The following VPS53 variants were observed in gnomAD, a reference collection of about 807,000 sequenced individuals.
The protein encoded by VPS53 is VPS53 subunit of GARP complex.
In VPS53, 70 loss-of-function variants were observed where a neutral mutation model predicts 107.0. The observed-to-expected ratio is 0.65, with a 90% CI of 0.54 to 0.80. The LOEUF is 0.80. VPS53 is among the 30% of genes least tolerant of loss of function. VPS53 has a pLI of 0.00. For synonymous variants in VPS53, 409 were observed against 393.3 expected, an observed-to-expected ratio of 1.04 and a Z score of -0.47; for missense variants, 917 against 1,049.4, an observed-to-expected ratio of 0.87 and a Z score of 1.74.
intron 5 of VPS53, among the ~76,000 whole-genome samples, chr17:657,878 G>A (rs1021585538): frequency 5.9e-5 from 9 of 151,998 alleles, no homozygotes; most frequent in African/African-American, 1.7e-4. Flanking sequence ...CAGGGAGTTC[G>A]TGGATAGATA....
chr17:702,152 A>C (rs1973223612), intron 2 of VPS53, among the ~76,000 whole-genome samples: 1 of 152,196 alleles, frequency 6.6e-6, no homozygotes, highest in African/African-American at 2.4e-5. Flanking sequence ...CAAGAGTTAG[A>C]GACCAACCTG....
chr17:622,967 G>C (rs1969533237), intron 11 of VPS53, among the ~76,000 whole-genome samples: 1 of 151,980 alleles, frequency 6.6e-6, no homozygotes, highest in African/African-American at 2.4e-5. Flanking sequence ...GATTATACAG[G>C]TGTGAGCCAC....
At chr17:565,403 C>CAAAAAAAAAAAAAAA (rs535932031) in intron 13 of VPS53, among the ~76,000 whole-genome samples, 11 of 82,496 alleles carry the variant, frequency 1.3e-4, no homozygotes, top group African/African-American at 1.4e-4. Context: ...AACCCCATCT[C>CAAAAAAAAAAAAAAA]AAAAAAAAAA....
At chr17:673,502 T>A (rs973159601) in intron 4 of VPS53, among the ~76,000 whole-genome samples, 1 of 152,090 alleles carries the variant, frequency 6.6e-6, no homozygotes, top group Non-Finnish European at 1.5e-5. Context: ...CGCAGCCCAC[T>A]CCCCATGATG....
At chr17:567,789 T>C (rs1051275165) in intron 13 of VPS53, among the ~76,000 whole-genome samples, 1 of 151,036 alleles carries the variant, frequency 6.6e-6, no homozygotes. Context: ...CTTGGGAGGC[T>C]GAGGGAGGAC....
At chr17:576,540 C>T (rs1175809087) in intron 13 of VPS53, among the ~76,000 whole-genome samples, 2 of 151,290 alleles carry the variant, frequency 1.3e-5, no homozygotes, top group East Asian at 3.9e-4. Context: ...TCCCACAGAA[C>T]CTCCTCCAGC....
chr17:542,777 G>A (rs529215354), intron 17 of VPS53, among the ~76,000 whole-genome samples: 3 of 152,020 alleles, frequency 2.0e-5, no homozygotes, highest in Non-Finnish European at 4.4e-5. Flanking sequence ...CCAGGAATTC[G>A]AGACCAGCCT....
At chr17:653,453 A>G in intron 6 of VPS53, 43 bp from the exon 7 acceptor site, 1 of 1,613,306 alleles carries the variant, frequency 6.2e-7, no homozygotes, top group Non-Finnish European at 8.5e-7. Flanking sequence ...AAAACACTAA[A>G]GACGCAAGAT....
intron 4 of VPS53, among the ~76,000 whole-genome samples, chr17:691,520 C>A (rs935945984): frequency 2.0e-5 from 3 of 152,216 alleles, no homozygotes. Context: ...TACAGCACCC[C>A]CTCCTTATCA....
intron 17 of VPS53, chr17:539,096 G>C (rs1910366256): frequency 6.6e-6 from 1 of 152,188 alleles, no homozygotes; most frequent in Non-Finnish European, 1.5e-5. Flanking sequence ...TGCCCCCAAA[G>C]CCAATCATGT....
intron 13 of VPS53, among the ~76,000 whole-genome samples, chr17:585,156 A>G (rs1163376631): frequency 6.6e-6 from 1 of 152,232 alleles, no homozygotes; most frequent in African/African-American, 2.4e-5. Flanking sequence ...GACAGTTGGC[A>G]GGTACCACCT....
intron 4 of VPS53, chr17:685,231 G>A (rs1033313309): frequency 1.3e-5 from 2 of 152,170 alleles, no homozygotes; most frequent in African/African-American, 4.8e-5. Context: ...TGTTGAACAG[G>A]CAGCAAAGGC....
chr17:557,855 C>CA (rs1912575350), intron 15 of VPS53, among the ~76,000 whole-genome samples: 1 of 125,628 alleles, frequency 8.0e-6, no homozygotes, highest in Non-Finnish European at 1.7e-5. Flanking sequence ...TAAGGATTAT[C>CA]TTTTTTTTTT....
chr17:673,099 A>C lies in VPS53; in HGVS notation c.286-11204T>G, dbSNP rs899387519. 6.0e-5 allele frequency among the ~76,000 whole-genome samples: 9 copies of C among 151,182 alleles called. No homozygotes were observed. In the East Asian group the frequency reaches 1.7e-3, roughly 29 times the overall value. On this transcript the variant is annotated intron_variant, in intron 4 of 21. Transcript: ENST00000437048. ...TGCACTCCAGCCTGGGGCACAGAGC[A>C]AGATTCCGTCGCAAAAAAAAAACAA...
At chr17:658,285 G>C (rs1431212098) in intron 5 of VPS53, among the ~76,000 whole-genome samples, 2 of 127,328 alleles carry the variant, frequency 1.6e-5, no homozygotes, top group Non-Finnish European at 3.6e-5. Context: ...AAACTCGGCC[G>C]TGAGTTCGTG....
At chr17:706,243 A>G (rs925163582) in intron 2 of VPS53, 31 of 152,274 alleles carry the variant, frequency 2.0e-4, no homozygotes, top group African/African-American at 7.0e-4. Context: ...TTTAAAAATT[A>G]TATGAGCAAG....
intron 11 of VPS53, among the ~76,000 whole-genome samples, chr17:610,734 G>A (rs1316760591): frequency 2.0e-5 from 3 of 147,786 alleles, no homozygotes; most frequent in South Asian, 2.1e-4. Context: ...TGGCCAACAC[G>A]GCAAAACCCC....
At chr17:564,255 T>C (rs1395591251) in intron 13 of VPS53, among the ~76,000 whole-genome samples, 2 of 151,928 alleles carry the variant, frequency 1.3e-5, no homozygotes. Flanking sequence ...ATTAGCGTGG[T>C]GTGGGCCAGG....
At chr17:707,647 G>A (rs899070344) in intron 2 of VPS53, among the ~76,000 whole-genome samples, 3 of 151,890 alleles carry the variant, frequency 2.0e-5, no homozygotes, top group Non-Finnish European at 2.9e-5. Context: ...TCAGGAGTTC[G>A]AGACCAGCCT....
Sources: allele counts gnomAD v4.1 joint callset (sites outside exome capture counted in the v4.1 genomes callset), GRCh38; gene constraint gnomAD v4.1.1; transcripts MANE v1.5; gene names NCBI Gene and HGNC (gene_info 2026-07-23, HGNC 2026-07-21).